Variants in ITGA1 observed in about 807,000 individuals in gnomAD.
ITGA1 encodes integrin alpha-1.
A neutral mutation model predicts 145.9 loss-of-function variants in ITGA1; 85 were observed. That is an observed-to-expected ratio of 0.58 (90% CI 0.49 to 0.70). The LOEUF is 0.70. ITGA1 is among the 30% of genes least tolerant of loss of function. The pLI, the probability that ITGA1 is intolerant of heterozygous loss-of-function variation, is 0.00. For synonymous variants in ITGA1, 520 were observed against 495.3 expected (o/e 1.05, Z -0.66); for missense variants, 1,351 against 1,418.7 (o/e 0.95, Z 0.77).
intron 15 of ITGA1, among the ~76,000 whole-genome samples, chr5:52,917,654 A>C (rs1473858556): frequency 6.6e-6 from 1 of 152,062 alleles, no homozygotes; most frequent in Non-Finnish European, 1.5e-5. Flanking sequence ...TGTTTTAAAA[A>C]TTTGTAGGCA....
chr5:52,866,155 C>T (rs1305982857), intron 6 of ITGA1, among the ~76,000 whole-genome samples: 1 of 152,186 alleles, frequency 6.6e-6, no homozygotes, highest in African/African-American at 2.4e-5. Flanking sequence ...GCTGGAATTA[C>T]AGGCATGCGC....
At chr5:52,797,142 A>G (rs1203916042) in intron 1 of ITGA1, among the ~76,000 whole-genome samples, 1 of 152,098 alleles carries the variant, frequency 6.6e-6, no homozygotes, top group Non-Finnish European at 1.5e-5. Flanking sequence ...AATCTGGGTG[A>G]AAACATCTAA....
At chr5:52,889,107 C>CTTT (rs1750101898) in intron 8 of ITGA1, among the ~76,000 whole-genome samples, 4 of 88,118 alleles carry the variant, frequency 4.5e-5, no homozygotes, top group South Asian at 9.9e-4. Context: ...AACTACTATC[C>CTTT]ATTTTTTTTT....
At chr5:52,839,572 A>G (rs1366910261) in intron 1 of ITGA1, among the ~76,000 whole-genome samples, 4 of 152,214 alleles carry the variant, frequency 2.6e-5, no homozygotes, top group Non-Finnish European at 4.4e-5. Flanking sequence ...CTTAAAAGAA[A>G]GAACCTGAAG....
At chr5:52,839,309 T>G (rs1749214849) in intron 1 of ITGA1, among the ~76,000 whole-genome samples, 1 of 152,342 alleles carries the variant, frequency 6.6e-6, no homozygotes, top group African/African-American at 2.4e-5. Flanking sequence ...TTGAGGTATA[T>G]TTGAATATGT....
chr5:52,857,432 T>C (rs1749534123), intron 2 of ITGA1, among the ~76,000 whole-genome samples: 1 of 152,118 alleles, frequency 6.6e-6, no homozygotes, highest in African/African-American at 2.4e-5. Context: ...CATGATAAAT[T>C]TGGACACATC....
intron 2 of ITGA1, among the ~76,000 whole-genome samples, chr5:52,849,997 A>T: frequency 7.1e-6 from 1 of 140,874 alleles, no homozygotes. Context: ...TTCATTGTAG[A>T]TAGGATTTTT....
At chr5:52,925,591 A>G in intron 19 of ITGA1, 104 bp downstream of exon 19, 2 of 868,368 alleles carry the variant, frequency 2.3e-6, no homozygotes, top group Non-Finnish European at 3.6e-6. Context: ...TTTTGAAAGA[A>G]TAGAAGGAAT....
At chr5:52,923,637 A>G (rs1373006334) in intron 18 of ITGA1, among the ~76,000 whole-genome samples, 1 of 152,232 alleles carries the variant, frequency 6.6e-6, no homozygotes, top group Non-Finnish European at 1.5e-5. Flanking sequence ...AAAAAGAATT[A>G]GGCTCTTCTA....
rs745308435 is a variant in ITGA1, at chr5:52,920,421, A to T, written c.2245A>T (p.Ile749Phe). 7 of 1,610,722 alleles carry T rather than the reference A, an allele frequency of 4.3e-6. No homozygotes were observed. Among genetic ancestry groups the T allele is most frequent in the Non-Finnish European group, 8.5e-7 (1 of 1,178,712 alleles). ...GTQERKVQRN[I>F]TVRKSECTKH... ...TCAAGAGAGAAAGGTTCAAAGGAAC[A>T]TCACAGTTCGAAAATCAGAATGCAC... The change falls in exon 17 of 29, where the codon ATC becomes TTC. Residue 749 changes from isoleucine to phenylalanine, a missense_variant. By Grantham distance (21) the Ile-to-Phe change is conservative (BLOSUM62 0). Coordinates refer to ENST00000282588, the MANE Select transcript of ITGA1 (RefSeq NM_181501.2).
chr5:52,910,132 A>C (rs1310355346), intron 13 of ITGA1, 30 bp from the exon 14 acceptor site: 7 of 1,585,012 alleles, frequency 4.4e-6, no homozygotes, highest in Non-Finnish European at 6.0e-6. Flanking sequence ...TGATGGAAAT[A>C]CATAAATATC....
chr5:52,871,704 A>G (rs986037655), intron 6 of ITGA1, among the ~76,000 whole-genome samples: 1 of 148,680 alleles, frequency 6.7e-6, no homozygotes, highest in African/African-American at 2.5e-5. Context: ...AGGGAAATAC[A>G]ACACAACGAT....
At chr5:52,898,603 A>G (rs1230835578) in intron 11 of ITGA1, among the ~76,000 whole-genome samples, 2 of 152,086 alleles carry the variant, frequency 1.3e-5, no homozygotes, top group African/African-American at 4.8e-5. Flanking sequence ...GGGCTGTCTA[A>G]TGCAGGGAAT....
intron 6 of ITGA1, among the ~76,000 whole-genome samples, chr5:52,866,166 C>G (rs1749684557): frequency 6.6e-6 from 1 of 152,112 alleles, no homozygotes; most frequent in Non-Finnish European, 1.5e-5. Context: ...AGGCATGCGC[C>G]ATCACACCTG....
intron 3 of ITGA1, 78 bp from the exon 4 acceptor site, chr5:52,864,685 G>T: frequency 1.2e-6 from 1 of 825,660 alleles, no homozygotes. Context: ...AAAACAAATA[G>T]AATGTCTTAA....
intron 17 of ITGA1, among the ~76,000 whole-genome samples, chr5:52,921,744 T>C (rs1017975696): frequency 6.6e-6 from 1 of 152,214 alleles, no homozygotes; most frequent in Non-Finnish European, 1.5e-5. Context: ...TTGAAATTTG[T>C]TCTGGAGTCA....
intron 6 of ITGA1, among the ~76,000 whole-genome samples, chr5:52,872,302 C>T (rs904156031): frequency 6.6e-6 from 1 of 152,092 alleles, no homozygotes; most frequent in Non-Finnish European, 1.5e-5. Flanking sequence ...AGTCTGCTTA[C>T]AGTTTCCGAA....
chr5:52,810,730 C>G (rs1371075159), intron 1 of ITGA1, among the ~76,000 whole-genome samples: 1 of 151,738 alleles, frequency 6.6e-6, no homozygotes, highest in Non-Finnish European at 1.5e-5. Context: ...ATTTCTCACT[C>G]TGGGCCTAAC....
At chr5:52,814,430 C>A (rs1305526213) in intron 1 of ITGA1, among the ~76,000 whole-genome samples, 1 of 152,052 alleles carries the variant, frequency 6.6e-6, no homozygotes, top group African/African-American at 2.4e-5. Context: ...GAGCACTGTG[C>A]GAGCCCACAA....
Sources: allele counts gnomAD v4.1 joint callset (sites outside exome capture counted in the v4.1 genomes callset), GRCh38; gene constraint gnomAD v4.1.1; transcripts MANE v1.5; gene names NCBI Gene and HGNC (gene_info 2026-07-23, HGNC 2026-07-21).